Variants in EFR3A observed in about 807,000 individuals in gnomAD.
EFR3A encodes the protein protein EFR3 homolog A.
A neutral mutation model predicts 104.4 loss-of-function variants in EFR3A; 76 were observed. The ratio of observed to expected loss-of-function variants is 0.73; its 90% CI spans 0.60 to 0.88. The LOEUF (loss-of-function observed/expected upper bound fraction) is 0.88, where lower values mean the gene tolerates loss of function less well. EFR3A is among the 40% of genes least tolerant of loss of function. The pLI, the probability that EFR3A is intolerant of heterozygous loss-of-function variation, is 0.00. For missense variants in EFR3A, 985 were observed against 1,012.5 expected (o/e 0.97, Z 0.37); for synonymous variants, 330 against 330.0 (o/e 1.00, Z 0.00).
intron 4 of EFR3A, among the ~76,000 whole-genome samples, chr8:131,949,176 T>C (rs1241833333): frequency 6.6e-6 from 1 of 152,096 alleles, no homozygotes; most frequent in Non-Finnish European, 1.5e-5. Flanking sequence ...TACATGTTAA[T>C]ACTATGCAAC....
At chr8:131,916,741 C>A (rs1816760721) in intron 1 of EFR3A, among the ~76,000 whole-genome samples, 1 of 152,162 alleles carries the variant, frequency 6.6e-6, no homozygotes, top group South Asian at 2.1e-4. Flanking sequence ...TCAAATGACT[C>A]ACACTTATTT....
At chr8:131,930,921 A>G (rs1421478121) in intron 1 of EFR3A, among the ~76,000 whole-genome samples, 1 of 152,172 alleles carries the variant, frequency 6.6e-6, no homozygotes, top group East Asian at 1.9e-4. Context: ...TAACTTATCT[A>G]TTGCATAACT....
intron 1 of EFR3A, among the ~76,000 whole-genome samples, chr8:131,923,241 T>C (rs552864552): frequency 2.0e-5 from 3 of 152,286 alleles, no homozygotes; most frequent in South Asian, 4.1e-4. Flanking sequence ...CTGTTTAAAA[T>C]ATGTTGGCAT....
intron 8 of EFR3A, among the ~76,000 whole-genome samples, chr8:131,960,806 A>T (rs1819275648): frequency 6.6e-6 from 1 of 152,182 alleles, no homozygotes; most frequent in Non-Finnish European, 1.5e-5. Context: ...CTTGAGGGTA[A>T]TAAGATGTGA....
At chr8:131,926,317 T>C (rs980452169) in intron 1 of EFR3A, among the ~76,000 whole-genome samples, 1 of 152,184 alleles carries the variant, frequency 6.6e-6, no homozygotes, top group African/African-American at 2.4e-5. Context: ...ACATCTGTGA[T>C]GTACTATATA....
intron 22 of EFR3A, among the ~76,000 whole-genome samples, chr8:132,010,405 G>GATATATAAATAT (rs200821953): frequency 1.1e-5 from 1 of 88,012 alleles, no homozygotes; most frequent in African/African-American, 4.7e-5. Context: ...AATCAAGTAT[G>GATATATAAATAT]AGATATATAT....
At chr8:131,961,622 G>A (rs913834380) in intron 8 of EFR3A, among the ~76,000 whole-genome samples, 2 of 152,212 alleles carry the variant, frequency 1.3e-5, no homozygotes, top group African/African-American at 2.4e-5. Flanking sequence ...ATGGAACCAA[G>A]TTGGAAAACA....
chr8:131,955,965 T>C (rs1818967633), intron 7 of EFR3A, 60 bp downstream of exon 7: 1 of 1,582,012 alleles, frequency 6.3e-7, no homozygotes, highest in Non-Finnish European at 8.6e-7. Context: ...CTGTGTTAAC[T>C]TATTTATAGA....
At chr8:132,010,255 T>G (rs1427583650) in intron 22 of EFR3A, among the ~76,000 whole-genome samples, 1 of 151,664 alleles carries the variant, frequency 6.6e-6, no homozygotes, top group Non-Finnish European at 1.5e-5. Context: ...TACACTTTGA[T>G]GCAGAAATTC....
intron 6 of EFR3A, among the ~76,000 whole-genome samples, chr8:131,954,281 G>T (rs1586595834): frequency 1.3e-5 from 2 of 152,128 alleles, no homozygotes; most frequent in East Asian, 3.9e-4. Flanking sequence ...TTGCAAATGT[G>T]AGAAACAGAA....
intron 22 of EFR3A, among the ~76,000 whole-genome samples, chr8:132,008,114 C>A (rs867683092): frequency 2.6e-5 from 4 of 151,982 alleles, no homozygotes; most frequent in East Asian, 3.9e-4. Flanking sequence ...TAAAAACTTA[C>A]CATTAAAAGA....
chr8:131,957,005 A>G (rs1049157971), intron 7 of EFR3A, among the ~76,000 whole-genome samples: 1 of 152,214 alleles, frequency 6.6e-6, no homozygotes, highest in Admixed American at 6.5e-5. Context: ...CTTGGAAGAA[A>G]GAATTTACCA....
intron 7 of EFR3A, among the ~76,000 whole-genome samples, chr8:131,957,468 A>C (rs1819066185): frequency 6.6e-6 from 1 of 150,636 alleles, no homozygotes; most frequent in Non-Finnish European, 1.5e-5. Flanking sequence ...CTCCTGCCTC[A>C]GCCTCCCGAG....
intron 1 of EFR3A, among the ~76,000 whole-genome samples, chr8:131,929,306 T>G (rs1409532650): frequency 6.6e-6 from 1 of 152,152 alleles, no homozygotes; most frequent in East Asian, 1.9e-4. Flanking sequence ...GTCAGCTTCC[T>G]GCAAGTTTGC....
chr8:131,975,041 T>A (rs2133998), intron 10 of EFR3A, among the ~76,000 whole-genome samples: 131,491 of 152,234 alleles, frequency 0.86, 56,915 homozygotes, highest in East Asian at 0.94. Flanking sequence ...GTGTGAGTAA[T>A]TGATAATTAA....
chr8:131,928,306 T>G (rs1438525851), intron 1 of EFR3A, among the ~76,000 whole-genome samples: 4 of 152,154 alleles, frequency 2.6e-5, no homozygotes, highest in Non-Finnish European at 5.9e-5. Flanking sequence ...TCTTATACGT[T>G]CGACATTAAA....
intron 1 of EFR3A, among the ~76,000 whole-genome samples, chr8:131,915,172 TA>T (rs1422206449): frequency 1.3e-5 from 2 of 152,188 alleles, no homozygotes; most frequent in African/African-American, 2.4e-5. Flanking sequence ...TGGCTACTTG[TA>T]AAAAGTTTGA....
chr8:131,926,977 A>G (rs1025392628), intron 1 of EFR3A, among the ~76,000 whole-genome samples: 1 of 152,146 alleles, frequency 6.6e-6, no homozygotes, highest in African/African-American at 2.4e-5. Flanking sequence ...CGGAGGGGAA[A>G]GATGTTCATT....
In EFR3A at chr8:131,970,616, G is replaced by A; in HGVS notation, c.1132G>A (p.Val378Met). 3 of 1,613,716 alleles carry A rather than the reference G, an allele frequency of 1.9e-6. No individual in the cohort carries two copies. Among genetic ancestry groups the A allele is most frequent in the Non-Finnish European group, 2.5e-6 (3 of 1,179,752 alleles). Reference protein sequence around the residue: ...TSSKDNDEKIVQNAIIQTIGF... With the variant: ...TSSKDNDEKIMQNAIIQTIGF... ...TTCCAAAGACAATGATGAGAAGATT[G>A]TGCAGAATGCTATCATCCAAACAAT... The change falls in exon 10 of 23, where the codon GTG becomes ATG. Residue 378 changes from valine (V) to methionine (M), a missense_variant. Transcript: ENST00000254624.
Sources: gnomAD v4.1 joint callset for allele counts (sites outside exome capture counted in the v4.1 genomes callset) on GRCh38, gnomAD v4.1.1 for gene constraint, MANE v1.5 for transcripts, NCBI Gene and HGNC (gene_info 2026-07-23, HGNC 2026-07-21) for gene names.